Variants in TP63 observed in about 807,000 individuals in gnomAD.
TP63 encodes the protein tumor protein p63.
TP63 carries 17 observed loss-of-function variants against 82.8 expected under a neutral mutation model. The ratio of observed to expected loss-of-function variants is 0.21; its 90% CI spans 0.14 to 0.31. The LOEUF is 0.31. Ranked by LOEUF, TP63 falls within the 10% of genes least tolerant of loss-of-function variation. The probability of loss-of-function intolerance (pLI) is 1.00; values close to 1 mark genes in which losing one functional copy is unlikely to be tolerated. For missense variants in TP63, 648 were observed against 895.3 expected (o/e 0.72, Z 3.52); for synonymous variants, 330 against 321.7 (o/e 1.03, Z -0.28).
At chr3:189,749,423 C>T (rs953128109) in intron 3 of TP63, among the ~76,000 whole-genome samples, 1 of 151,982 alleles carries the variant, frequency 6.6e-6, no homozygotes, top group Non-Finnish European at 1.5e-5. Context: ...GTAAAAATGG[C>T]CAATAACTAT....
Position 189,875,961 on chromosome 3 carries a change from A to AT in TP63, c.1349+2968dup, listed in dbSNP as rs143859445. Reference sequence around the variant, plus strand: ...AGATGAGGCTGGAATAGTTGACTTGATTCACGTCACATATTCTTATTGAAG... The same window carrying AT: ...AGATGAGGCTGGAATAGTTGACTTGATTTCACGTCACATATTCTTATTGAAG... On this transcript the variant is annotated intron_variant, in intron 10 of 13. Transcript: ENST00000264731. 1.3e-3 allele frequency among the ~76,000 whole-genome samples: 195 copies of AT among 152,156 alleles called. 2 individuals carry two copies. The South Asian group carries it at 0.022, about 17-fold the overall frequency.
chr3:189,710,866 C>T (rs969136649), intron 1 of TP63, among the ~76,000 whole-genome samples: 2 of 152,164 alleles, frequency 1.3e-5, no homozygotes, highest in South Asian at 2.1e-4. Flanking sequence ...CTACAAATCA[C>T]AGCAGTGTTA....
intron 4 of TP63, among the ~76,000 whole-genome samples, chr3:189,841,560 T>C (rs1344754035): frequency 6.6e-6 from 1 of 152,112 alleles, no homozygotes; most frequent in African/African-American, 2.4e-5. Context: ...GATGTACAAA[T>C]GAAACTCCAA....
intron 3 of TP63, among the ~76,000 whole-genome samples, chr3:189,792,033 C>A (rs1380654711): frequency 6.6e-6 from 1 of 152,058 alleles, no homozygotes; most frequent in Non-Finnish European, 1.5e-5. Flanking sequence ...ATAATCCATT[C>A]TTTGACTTCA....
At position 189,780,790 on chromosome 3, in the gene TP63, G is replaced by C. The variant is rs576507743; in HGVS notation, c.325-27482G>C. On this transcript the variant is annotated intron_variant, in intron 3 of 13. Coordinates refer to ENST00000264731, the MANE Select transcript of TP63 (RefSeq NM_003722.5). ...CTTCCCCAGTTTTAAGAAACACTATGGTTTGTCATACCTAAATTACTTCCA... is the reference window on the plus strand; with the variant it reads ...CTTCCCCAGTTTTAAGAAACACTATCGTTTGTCATACCTAAATTACTTCCA... 2.8e-4 allele frequency among the ~76,000 whole-genome samples: 43 copies of C among 152,290 alleles called. No individual in the cohort carries two copies. In the East Asian group the frequency reaches 7.5e-3, roughly 27 times the overall value.
chr3:189,883,690 A>C (rs1720158808), intron 10 of TP63, among the ~76,000 whole-genome samples: 1 of 152,192 alleles, frequency 6.6e-6, no homozygotes, highest in Non-Finnish European at 1.5e-5. Flanking sequence ...ACAGGTTAAG[A>C]AAATGAGACT....
chr3:189,727,880 GCTAAAATGA>G (rs1719882924), intron 1 of TP63, among the ~76,000 whole-genome samples: 1 of 152,168 alleles, frequency 6.6e-6, no homozygotes, highest in African/African-American at 2.4e-5. Flanking sequence ...ATGCTATAAT[GCTAAAATGA>G]CATTTTAAAC....
chr3:189,671,656 G>T (rs1429747835), intron 1 of TP63, among the ~76,000 whole-genome samples: 2 of 151,974 alleles, frequency 1.3e-5, no homozygotes, highest in Non-Finnish European at 2.9e-5. Flanking sequence ...ATCAATGGAT[G>T]AATGAATAAA....
At chr3:189,755,484 C>T (rs78075098) in intron 3 of TP63, among the ~76,000 whole-genome samples, 24,365 of 151,914 alleles carry the variant, frequency 0.16, 2,111 homozygotes, top group East Asian at 0.33. Flanking sequence ...TAATATACTT[C>T]TTTCATTCTA....
intron 4 of TP63, among the ~76,000 whole-genome samples, chr3:189,848,153 G>A (rs1715126636): frequency 6.6e-6 from 1 of 151,932 alleles, no homozygotes; most frequent in Admixed American, 6.6e-5. Flanking sequence ...TAAAGTGGCT[G>A]AACCAAATGA....
rs1721477202 is a variant in TP63, at chr3:189,896,404, A to G, written c.*1902A>G. On this transcript the variant is annotated 3_prime_UTR_variant, in exon 14 of 14. Transcript: ENST00000264731. ...GTAAGAATACCACATCAAATAAGAA[A>G]TAATGCTACAATTTTAAGAGGGGAG... is the stretch of plus-strand genomic sequence containing the variant. 5.0e-6 allele frequency: 1 copy of G among 199,374 alleles called. No individual in the cohort carries two copies. The highest frequency in any genetic ancestry group is 2.3e-5 in the African/African-American group (1 of 43,506). The allele number at this position is 199,374 out of a possible 1,614,324, so 12.4% of individuals were successfully genotyped here.
intron 3 of TP63, among the ~76,000 whole-genome samples, chr3:189,771,927 A>G (rs1312869593): frequency 4.0e-5 from 6 of 151,454 alleles, no homozygotes; most frequent in Non-Finnish European, 8.8e-5. Flanking sequence ...ATCATTCTCA[A>G]TGGGATTCGA....
At chr3:189,743,772 A>C (rs1246338272) in intron 3 of TP63, among the ~76,000 whole-genome samples, 1 of 152,182 alleles carries the variant, frequency 6.6e-6, no homozygotes, top group Non-Finnish European at 1.5e-5. Context: ...AGCATCAAAA[A>C]CAAGAAACGG....
At chr3:189,688,325 G>C (rs188517034) in intron 1 of TP63, among the ~76,000 whole-genome samples, 2 of 152,170 alleles carry the variant, frequency 1.3e-5, no homozygotes, top group Admixed American at 1.3e-4. Context: ...AGAAATGTTA[G>C]CAGTGAATAT....
rs190123514 is a variant in TP63, at chr3:189,860,210, G to A, written c.580-4022G>A. Among the ~76,000 whole-genome samples, 95 of 152,252 alleles carry A rather than the reference G, an allele frequency of 6.2e-4. 1 individual carries two copies. The highest frequency in any genetic ancestry group is 5.7e-3 in the Admixed American group (87 of 15,274). On this transcript the variant is annotated intron_variant, in intron 4 of 13. Transcript: ENST00000264731. Reference sequence around the variant, plus strand: ...CAAGTCAATGTTGAGGAGCAATTTAGACGTGAATTTTTTAAATTCCACAGA... The same window carrying A: ...CAAGTCAATGTTGAGGAGCAATTTAAACGTGAATTTTTTAAATTCCACAGA...
intron 4 of TP63, among the ~76,000 whole-genome samples, chr3:189,833,426 A>T (rs1438134725): frequency 1.3e-5 from 2 of 152,258 alleles, no homozygotes; most frequent in African/African-American, 2.4e-5. Context: ...AACAAGCCCA[A>T]CACCTCTTAC....
At chr3:189,801,864 ATATT>A (rs1432874286) in intron 3 of TP63, among the ~76,000 whole-genome samples, 7 of 152,330 alleles carry the variant, frequency 4.6e-5, no homozygotes, top group African/African-American at 1.2e-4. Context: ...GTATGAGTAT[ATATT>A]AAGTATTCAC....
intron 1 of TP63, among the ~76,000 whole-genome samples, chr3:189,725,015 C>T (rs1220576769): frequency 6.6e-6 from 1 of 152,152 alleles, no homozygotes; most frequent in Admixed American, 6.5e-5. Flanking sequence ...ATGATTTGCA[C>T]AAATGTGTTG....
chr3:189,655,984 A>G (rs1033018271), intron 1 of TP63, among the ~76,000 whole-genome samples: 5 of 152,168 alleles, frequency 3.3e-5, no homozygotes, highest in African/African-American at 1.2e-4. Context: ...CTTTTGGGAG[A>G]AGGAAATTCT....
Sources: allele counts gnomAD v4.1 joint callset (sites outside exome capture counted in the v4.1 genomes callset), GRCh38; gene constraint gnomAD v4.1.1; transcripts MANE v1.5; gene names NCBI Gene and HGNC (gene_info 2026-07-23, HGNC 2026-07-21).